Variants in HMGCLL1 observed in about 807,000 individuals in gnomAD.
HMGCLL1 encodes the protein 3-hydroxy-3-methylglutaryl-CoA lyase like 1.
Under a neutral mutation model 39.1 loss-of-function variants are expected in HMGCLL1, and 36 were observed. The ratio of observed to expected loss-of-function variants is 0.92; its 90% confidence interval spans 0.71 to 1.22. The LOEUF (loss-of-function observed/expected upper bound fraction) is 1.22. Ranked by LOEUF, HMGCLL1 falls within the 50% of genes most tolerant of loss-of-function variation. The pLI, the probability that HMGCLL1 is intolerant of heterozygous loss-of-function variation, is 0.00. For synonymous variants in HMGCLL1, 149 were observed against 144.0 expected, an observed-to-expected ratio of 1.03 and a Z score of -0.25; for missense variants, 451 against 416.5, an observed-to-expected ratio of 1.08 and a Z score of -0.72.
intron 1 of HMGCLL1, among the ~76,000 whole-genome samples, chr6:55,567,566 G>A (rs1399811174): frequency 6.6e-6 from 1 of 152,064 alleles, no homozygotes; most frequent in Non-Finnish European, 1.5e-5. Context: ...ATTGAATTAA[G>A]CTGAATTAAA....
intron 7 of HMGCLL1, among the ~76,000 whole-genome samples, chr6:55,463,256 T>C (rs765856095): frequency 6.6e-6 from 1 of 151,956 alleles, no homozygotes; most frequent in African/African-American, 2.4e-5. Context: ...GGTCTCGAAC[T>C]CCTGACCTCA....
the HMGCLL1 span, among the ~76,000 whole-genome samples, chr6:55,604,244 A>G: frequency 6.6e-6 from 1 of 152,190 alleles, no homozygotes; most frequent in African/African-American, 2.4e-5. Flanking sequence ...TGAACCTTTA[A>G]GTCAATTCAT....
At chr6:55,483,679 GA>G (rs1765855807) in intron 7 of HMGCLL1, among the ~76,000 whole-genome samples, 1 of 152,172 alleles carries the variant, frequency 6.6e-6, no homozygotes, top group Non-Finnish European at 1.5e-5. Flanking sequence ...TAAAGAGATG[GA>G]AAGACACAAG....
chr6:55,533,154 C>T (rs1377593324), intron 3 of HMGCLL1, among the ~76,000 whole-genome samples: 1 of 151,526 alleles, frequency 6.6e-6, no homozygotes, highest in African/African-American at 2.4e-5. Context: ...ACATAAGTAA[C>T]ACTTGTATAG....
At chr6:55,630,772 G>A in the HMGCLL1 span, among the ~76,000 whole-genome samples, 5 of 151,696 alleles carry the variant, frequency 3.3e-5, no homozygotes, top group East Asian at 9.7e-4. Context: ...CTCTTTGCCT[G>A]CCCCGCTCCA....
At chr6:55,657,502 G>T in the HMGCLL1 span, among the ~76,000 whole-genome samples, 1 of 151,880 alleles carries the variant, frequency 6.6e-6, no homozygotes, top group African/African-American at 2.4e-5. Context: ...CACAGAGTGT[G>T]TGGTTTTGCT....
the HMGCLL1 span, among the ~76,000 whole-genome samples, chr6:55,589,387 T>G: frequency 6.6e-6 from 1 of 152,174 alleles, no homozygotes; most frequent in Non-Finnish European, 1.5e-5. Flanking sequence ...AAATTAGGTA[T>G]TGATGGGATG....
At chr6:55,528,757 A>G (rs541976684) in intron 3 of HMGCLL1, among the ~76,000 whole-genome samples, 2 of 151,994 alleles carry the variant, frequency 1.3e-5, no homozygotes, top group African/African-American at 4.8e-5. Flanking sequence ...TCTTGTGTAT[A>G]ATTTCCTGTA....
In HMGCLL1 at chr6:55,453,231, C is replaced by T. The variant is rs181795159; in HGVS notation, c.796-13672G>A. Among the ~76,000 whole-genome samples, 4 of 152,122 alleles carry T rather than the reference C, an allele frequency of 2.6e-5. No individual in the cohort carries two copies. The East Asian group carries it at 7.8e-4, about 30-fold the overall frequency. ...TCTCGCTCTGTCGCCCAGGCTGGAGCGCAGTGGTGCAATCTCGGCTCACTG... is the reference window on the plus strand; with the variant it reads ...TCTCGCTCTGTCGCCCAGGCTGGAGTGCAGTGGTGCAATCTCGGCTCACTG... On this transcript the variant is annotated intron_variant, in intron 7 of 8. Coordinates refer to ENST00000274901, the MANE Select transcript of HMGCLL1 (RefSeq NM_001042406.2).
At chr6:55,629,692 C>G in the HMGCLL1 span, among the ~76,000 whole-genome samples, 1 of 152,102 alleles carries the variant, frequency 6.6e-6, no homozygotes, top group African/African-American at 2.4e-5. Context: ...GTGCTGTGAG[C>G]AACCTAGGGA....
At chr6:55,467,844 A>G (rs1342158172) in intron 7 of HMGCLL1, among the ~76,000 whole-genome samples, 1 of 152,042 alleles carries the variant, frequency 6.6e-6, no homozygotes, top group Non-Finnish European at 1.5e-5. Flanking sequence ...TGAGTGGTGC[A>G]CTGATATGTA....
chr6:55,647,652 A>G, the HMGCLL1 span, among the ~76,000 whole-genome samples: 1 of 151,544 alleles, frequency 6.6e-6, no homozygotes, highest in Non-Finnish European at 1.5e-5. Context: ...AAACAAACAA[A>G]CACGCAAAAA....
At chr6:55,451,320 A>T (rs1007820345) in intron 7 of HMGCLL1, among the ~76,000 whole-genome samples, 17 of 152,100 alleles carry the variant, frequency 1.1e-4, no homozygotes, top group Admixed American at 1.0e-3. Flanking sequence ...GAACTTTTGG[A>T]GGTTATCAAA....
rs911776834 is a variant in HMGCLL1, at chr6:55,439,424, A to G, written c.921+10T>C. Reference sequence around the variant, plus strand: ...ATGCATGAATATTAAAATACGTTAAAGTAACTTACTGTATTGAGCCCCAGG... The same window carrying G: ...ATGCATGAATATTAAAATACGTTAAGGTAACTTACTGTATTGAGCCCCAGG... On this transcript the variant is annotated intron_variant, in intron 8 of 8. Coordinates refer to ENST00000274901, the MANE Select transcript of HMGCLL1 (RefSeq NM_001042406.2). 3 of 1,601,950 alleles carry G rather than the reference A, an allele frequency of 1.9e-6. No individual in the cohort carries two copies. Among genetic ancestry groups the G allele is most frequent in the South Asian group, 1.1e-5 (1 of 89,772 alleles).
the HMGCLL1 span, among the ~76,000 whole-genome samples, chr6:55,648,252 C>A: frequency 6.6e-6 from 1 of 151,222 alleles, no homozygotes; most frequent in Admixed American, 6.6e-5. Context: ...GTCTTTATAG[C>A]AGCATGATTT....
chr6:55,481,793 TCTATCTACCTACCTAC>T (rs1448096562), intron 7 of HMGCLL1, among the ~76,000 whole-genome samples: 3 of 150,072 alleles, frequency 2.0e-5, no homozygotes, highest in East Asian at 1.9e-4. Context: ...ATCTTATCTA[TCTATCTACCTACCTAC>T]CTATCTACCT....
At chr6:55,575,752 A>G (rs1226398626) in intron 1 of HMGCLL1, among the ~76,000 whole-genome samples, 1 of 150,122 alleles carries the variant, frequency 6.7e-6, no homozygotes. Context: ...ATGAGGTCCT[A>G]TGAGACAAAA....
chr6:55,678,466 T>C, the HMGCLL1 span, among the ~76,000 whole-genome samples: 2 of 152,136 alleles, frequency 1.3e-5, no homozygotes, highest in African/African-American at 2.4e-5. Context: ...CTATGTGTAA[T>C]GACTGGAAGT....
intron 7 of HMGCLL1, among the ~76,000 whole-genome samples, chr6:55,452,243 C>T (rs1456589823): frequency 1.3e-5 from 2 of 152,144 alleles, no homozygotes; most frequent in Non-Finnish European, 2.9e-5. Flanking sequence ...GGAAACTGCT[C>T]AATGACTCTT....
Sources: allele counts gnomAD v4.1 joint callset (sites outside exome capture counted in the v4.1 genomes callset), GRCh38; gene constraint gnomAD v4.1.1; transcripts MANE v1.5; gene names NCBI Gene and HGNC (gene_info 2026-07-23, HGNC 2026-07-21).